Variants in TAFA1 observed in about 807,000 individuals in gnomAD.
TAFA1 encodes the protein chemokine-like protein TAFA-1.
In TAFA1, 4 loss-of-function variants were observed where a neutral mutation model predicts 18.5. That is an observed-to-expected ratio of 0.22 (90% CI 0.11 to 0.49). The LOEUF is 0.49. Ranked by LOEUF, TAFA1 falls within the 20% of genes least tolerant of loss-of-function variation. TAFA1 has a pLI of 0.98. For missense variants in TAFA1, 147 were observed against 169.0 expected (o/e 0.87, Z 0.72); for synonymous variants, 56 against 55.2 (o/e 1.01, Z -0.06).
At chr3:68,417,929 A>G (rs2070871055) in intron 3 of TAFA1, among the ~76,000 whole-genome samples, 1 of 152,050 alleles carries the variant, frequency 6.6e-6, no homozygotes, top group South Asian at 2.1e-4. Context: ...AAACAACCAG[A>G]TCTTGTGAGA....
intron 2 of TAFA1, among the ~76,000 whole-genome samples, chr3:68,187,456 C>T (rs2066284781): frequency 6.6e-6 from 1 of 151,958 alleles, no homozygotes; most frequent in Admixed American, 6.6e-5. Flanking sequence ...CTATGGTGGG[C>T]TGATACACTC....
At chr3:68,410,373 A>G (rs1250489708) in intron 2 of TAFA1, among the ~76,000 whole-genome samples, 1 of 152,130 alleles carries the variant, frequency 6.6e-6, no homozygotes, top group African/African-American at 2.4e-5. Flanking sequence ...GAAGCAGAGT[A>G]CATTTAACAC....
chr3:68,079,910 G>T (rs1358792571), intron 2 of TAFA1, among the ~76,000 whole-genome samples: 6 of 151,812 alleles, frequency 4.0e-5, no homozygotes, highest in Non-Finnish European at 4.4e-5. Flanking sequence ...GTTGACAGTG[G>T]GGTGTTAAAG....
At chr3:68,064,980 G>A (rs2064655510) in intron 2 of TAFA1, among the ~76,000 whole-genome samples, 1 of 151,942 alleles carries the variant, frequency 6.6e-6, no homozygotes, top group Admixed American at 6.6e-5. Flanking sequence ...GCCTCCTAGA[G>A]CTATGGGTTC....
intron 3 of TAFA1, among the ~76,000 whole-genome samples, chr3:68,538,144 G>A (rs1202178321): frequency 6.6e-6 from 1 of 151,982 alleles, no homozygotes; most frequent in East Asian, 1.9e-4. Context: ...GGAGTCAGTT[G>A]CTAGAATGCA....
intron 2 of TAFA1, among the ~76,000 whole-genome samples, chr3:68,075,615 T>C (rs146012406): frequency 0.012 from 1,863 of 152,166 alleles, 46 homozygotes; most frequent in African/African-American, 0.043. Flanking sequence ...CCCAAGTGTC[T>C]CAAGTGGGTA....
chr3:68,067,218 C>T (rs1228331837), intron 2 of TAFA1, among the ~76,000 whole-genome samples: 5 of 152,144 alleles, frequency 3.3e-5, no homozygotes, highest in Admixed American at 2.6e-4. Flanking sequence ...AATTCCATGG[C>T]TATCCTAAAT....
At chr3:68,432,354 A>G (rs1164431963) in intron 3 of TAFA1, among the ~76,000 whole-genome samples, 1 of 152,092 alleles carries the variant, frequency 6.6e-6, no homozygotes, top group Non-Finnish European at 1.5e-5. Flanking sequence ...GAAAATTCAT[A>G]TAAACCACAA....
chr3:68,188,904 A>G (rs1399158399), intron 2 of TAFA1, among the ~76,000 whole-genome samples: 1 of 151,762 alleles, frequency 6.6e-6, no homozygotes, highest in African/African-American at 2.4e-5. Context: ...TCCTTCATGG[A>G]TACAAGGCCA....
At chr3:68,270,156 A>G (rs1398277552) in intron 2 of TAFA1, among the ~76,000 whole-genome samples, 1 of 152,104 alleles carries the variant, frequency 6.6e-6, no homozygotes, top group East Asian at 1.9e-4. Context: ...CTTCATCACT[A>G]TCTATACAAG....
At chr3:68,423,369 T>G (rs1343254613) in intron 3 of TAFA1, among the ~76,000 whole-genome samples, 7 of 152,242 alleles carry the variant, frequency 4.6e-5, no homozygotes, top group African/African-American at 1.4e-4. Flanking sequence ...AAAAATCACA[T>G]AGCCAGTCAT....
intron 2 of TAFA1, among the ~76,000 whole-genome samples, chr3:68,388,721 T>C (rs1480467603): frequency 1.3e-5 from 2 of 152,190 alleles, no homozygotes; most frequent in Non-Finnish European, 2.9e-5. Flanking sequence ...AAATGAATCA[T>C]TCTTAAAAAA....
At chr3:68,084,942 TAG>T (rs1406308968) in intron 2 of TAFA1, among the ~76,000 whole-genome samples, 2 of 152,300 alleles carry the variant, frequency 1.3e-5, no homozygotes, top group African/African-American at 4.8e-5. Context: ...GTCCTTATGT[TAG>T]AGTCACTGCT....
At chr3:68,290,792 C>A (rs1413561137) in intron 2 of TAFA1, among the ~76,000 whole-genome samples, 1 of 152,060 alleles carries the variant, frequency 6.6e-6, no homozygotes, top group East Asian at 1.9e-4. Flanking sequence ...TAATTTATAA[C>A]CTTTGATCTG....
chr3:68,023,273 G>A (rs560605780), intron 2 of TAFA1, among the ~76,000 whole-genome samples: 120 of 152,274 alleles, frequency 7.9e-4, no homozygotes, highest in African/African-American at 2.9e-3. Context: ...GCCACTGTCT[G>A]CCAAGGTTGG....
chr3:68,102,329 C>G (rs2065157208), intron 2 of TAFA1, among the ~76,000 whole-genome samples: 1 of 152,134 alleles, frequency 6.6e-6, no homozygotes, highest in African/African-American at 2.4e-5. Context: ...TAAAAGGCTA[C>G]TTTTTTACTA....
chr3:68,019,153 C>T (rs1471071705), intron 2 of TAFA1, among the ~76,000 whole-genome samples: 1 of 152,216 alleles, frequency 6.6e-6, no homozygotes, highest in Non-Finnish European at 1.5e-5. Flanking sequence ...CATTGTTCTA[C>T]ATTAGCCAGG....
intron 2 of TAFA1, among the ~76,000 whole-genome samples, chr3:68,253,947 A>T (rs1454264959): frequency 6.6e-6 from 1 of 152,176 alleles, no homozygotes; most frequent in African/African-American, 2.4e-5. Context: ...GTTTTGATTC[A>T]GTGCTTTCCT....
At chr3:68,272,718 C>T (rs973435151) in intron 2 of TAFA1, among the ~76,000 whole-genome samples, 1 of 152,074 alleles carries the variant, frequency 6.6e-6, no homozygotes. Flanking sequence ...GAAAACATTC[C>T]TGTGGGTTTA....
Sources: allele counts gnomAD v4.1 joint callset (sites outside exome capture counted in the v4.1 genomes callset), GRCh38; gene constraint gnomAD v4.1.1; transcripts MANE v1.5; gene names NCBI Gene and HGNC (gene_info 2026-07-23, HGNC 2026-07-21).